The following ABCD3 variants were observed in gnomAD, a reference collection of about 807,000 sequenced individuals.
ABCD3 encodes the protein ATP-binding cassette sub-family D member 3.
Under a neutral mutation model 105.5 loss-of-function variants are expected in ABCD3, and 41 were observed. The ratio of observed to expected loss-of-function variants is 0.39; its 90% CI spans 0.30 to 0.50. ABCD3 has a LOEUF of 0.50. ABCD3 is among the 20% of genes least tolerant of loss of function. ABCD3 has a pLI of 0.84. For missense variants in ABCD3, 622 were observed against 806.3 expected (o/e 0.77, Z 2.77); for synonymous variants, 258 against 269.0 (o/e 0.96, Z 0.40).
chr1:94,467,944 T>C lies in ABCD3; in HGVS notation c.272T>C (p.Val91Ala), dbSNP rs1648232123. ...KETGYLVLIA[V>A]MLVSRTYCDV... The stretch of plus-strand genomic sequence containing the variant: ...ACAGGTTACTTGGTACTTATTGCTG[T>C]TATGCTGGTGTCTCGAACATATTGT... The change falls in exon 4 of 23, where the codon GTT (valine) becomes GCT (alanine). Residue 91 changes from valine to alanine, a missense_variant. This residue lies in a region of ABCD3 where 245 missense variants were observed against 356.4 expected (regional missense o/e 0.69). Coordinates refer to ENST00000370214, the MANE Select transcript of ABCD3 (RefSeq NM_002858.4). The C allele has an allele frequency of 6.2e-7, 1 of 1,613,266 alleles. No homozygotes were observed. Among genetic ancestry groups the C allele is most frequent in the African/African-American group, 1.3e-5 (1 of 74,906 alleles).
At chr1:94,417,436 A>G (rs1659060130), upstream of ABCD3, among the ~76,000 whole-genome samples, 1 of 152,358 alleles carries the variant, frequency 6.6e-6, no homozygotes, top group East Asian at 1.9e-4. Flanking sequence ...AGCTGAAAAC[A>G]GCGATTCACT....
At chr1:94,502,849 G>A (rs1650165435) in intron 20 of ABCD3, among the ~76,000 whole-genome samples, 1 of 152,108 alleles carries the variant, frequency 6.6e-6, no homozygotes, top group Non-Finnish European at 1.5e-5. Flanking sequence ...GCCAAGCAAA[G>A]ACAGCTAGTA....
At chr1:94,403,562 G>A in the ABCD3 span, among the ~76,000 whole-genome samples, 165 of 152,110 alleles carry the variant, frequency 1.1e-3, 1 homozygote, top group African/African-American at 3.0e-3. Context: ...GTTGGCCTTC[G>A]CATTTACCTG....
At chr1:94,447,718 GTGCT>G (rs1335458902) in intron 1 of ABCD3, among the ~76,000 whole-genome samples, 31 of 152,268 alleles carry the variant, frequency 2.0e-4, no homozygotes, top group African/African-American at 7.5e-4. Flanking sequence ...TCAGTTTCTA[GTGCT>G]GGTTTAATTA....
At chr1:94,413,511 G>A (rs553813986), upstream of ABCD3, among the ~76,000 whole-genome samples, 11 of 152,126 alleles carry the variant, frequency 7.2e-5, no homozygotes, top group Non-Finnish European at 1.3e-4. Context: ...TCTAGTAGTG[G>A]TGAACCTCAA....
chr1:94,483,112 A>G (rs1649104554), intron 9 of ABCD3, 58 bp from the exon 10 acceptor site: 4 of 1,143,968 alleles, frequency 3.5e-6, no homozygotes, highest in Admixed American at 1.8e-5. Context: ...CTGTATTTCA[A>G]TTATTTTCCA....
chr1:94,405,684 G>A, the ABCD3 span, among the ~76,000 whole-genome samples: 1 of 152,288 alleles, frequency 6.6e-6, no homozygotes, highest in East Asian at 1.9e-4. Context: ...TATTAGGAGC[G>A]ATGTTGAACA....
upstream of ABCD3, among the ~76,000 whole-genome samples, chr1:94,416,425 G>A (rs979532282): frequency 1.3e-5 from 2 of 151,884 alleles, no homozygotes; most frequent in East Asian, 1.9e-4. Context: ...TTTTTTACAC[G>A]TTTTTCTTCT....
chr1:94,487,507 GA>G (rs762074302), intron 10 of ABCD3, 34 bp from the exon 11 acceptor site: 1 of 1,595,224 alleles, frequency 6.3e-7, no homozygotes. Flanking sequence ...TTTATACAGA[GA>G]AAAAGATGGT....
At chr1:94,410,211 C>T in the ABCD3 span, among the ~76,000 whole-genome samples, 13 of 152,170 alleles carry the variant, frequency 8.5e-5, no homozygotes, top group African/African-American at 2.9e-4. Context: ...TTGCAACTCC[C>T]TAGCCTGGAA....
At chr1:94,454,008 A>G (rs1005429332) in intron 1 of ABCD3, among the ~76,000 whole-genome samples, 2 of 151,268 alleles carry the variant, frequency 1.3e-5, no homozygotes, top group Non-Finnish European at 2.9e-5. Context: ...CACAGGATAT[A>G]TATTTTATAT....
Position 94,464,811 on chromosome 1 carries a change from G to A in ABCD3, c.184G>A (p.Val62Met), listed in dbSNP as rs1648060498. The A allele has an allele frequency of 6.2e-7, 1 of 1,613,728 alleles. No individual in the cohort carries two copies. The highest frequency in any genetic ancestry group is 8.5e-7 in the Non-Finnish European group (1 of 1,179,926). The change falls in exon 3 of 23, where the codon GTG (valine) becomes ATG (methionine). Residue 62 changes from valine to methionine, a missense_variant. By Grantham distance (21) the Val-to-Met change is conservative. Coordinates refer to ENST00000370214, the MANE Select transcript of ABCD3 (RefSeq NM_002858.4). ...AAAGGAGCGAGCTGTGGTGGACAAG[G>A]TGTTTTTCTCAAGGCTCATACAGAT... Reference protein sequence around the residue: ...GKKERAVVDKVFFSRLIQILK... With the variant: ...GKKERAVVDKMFFSRLIQILK...
At chr1:94,499,174 A>G (rs1649975937) in intron 19 of ABCD3, 140 bp downstream of exon 19, 4 of 849,200 alleles carry the variant, frequency 4.7e-6, no homozygotes, top group Non-Finnish European at 7.7e-6. Context: ...TTCTAAGCTG[A>G]GGTAAGATGT....
At chr1:94,453,560 C>T (rs950341137) in intron 1 of ABCD3, among the ~76,000 whole-genome samples, 3 of 151,898 alleles carry the variant, frequency 2.0e-5, no homozygotes, top group Non-Finnish European at 2.9e-5. Context: ...CCTCGTGATC[C>T]GCCCACCTCG....
chr1:94,463,151 A>T (rs1647958292), intron 2 of ABCD3, among the ~76,000 whole-genome samples: 2 of 152,178 alleles, frequency 1.3e-5, no homozygotes, highest in African/African-American at 4.8e-5. Context: ...TGAGCCTGTA[A>T]CTCAGTAGGA....
intron 16 of ABCD3, among the ~76,000 whole-genome samples, chr1:94,493,039 A>G (rs1649608711): frequency 6.6e-6 from 1 of 152,164 alleles, no homozygotes; most frequent in African/African-American, 2.4e-5. Context: ...GGCATGGGCA[A>G]GGACTTCATG....
In ABCD3 at chr1:94,494,963, C is replaced by T. The variant is rs114930191; in HGVS notation, c.1387-3639C>T. ...AGGTGTGGTGGTGCACACCTTTGGTCCTGGTTACGCAGGCGGCTGAGGTGG... is the reference window on the plus strand; with the variant it reads ...AGGTGTGGTGGTGCACACCTTTGGTTCTGGTTACGCAGGCGGCTGAGGTGG... On this transcript the variant is annotated intron_variant, in intron 16 of 22. Transcript: ENST00000370214. Among the ~76,000 whole-genome samples the T allele has an allele frequency of 5.3e-3, 809 of 152,212 alleles. 9 individuals carry two copies. Among genetic ancestry groups the T allele is most frequent in the African/African-American group, 0.018 (761 of 41,512 alleles).
chr1:94,449,442 A>G (rs569892474), intron 1 of ABCD3, among the ~76,000 whole-genome samples: 1 of 152,350 alleles, frequency 6.6e-6, no homozygotes, highest in East Asian at 1.9e-4. Flanking sequence ...AATGGCTGAC[A>G]CAGAGAACAA....
rs564987217 is a variant in ABCD3 at position 94,487,581 on chromosome 1, A to G, written c.937A>G (p.Met313Val). 3.8e-5 allele frequency: 61 copies of G among 1,613,748 alleles called. No homozygotes were observed. The highest frequency in any genetic ancestry group is 3.0e-4 in the Admixed American group (18 of 59,990). The change falls in exon 11 of 23, where the codon ATG (methionine) becomes GTG (valine). Residue 313 changes from methionine to valine, a missense_variant. Transcript: ENST00000370214. Reference protein sequence around the residue: ...LHNFILFRFSMGFIDSIIAKY... With the variant: ...LHNFILFRFSVGFIDSIIAKY... ...TAATTTCATTTTGTTTCGGTTTTCAATGGGCTTCATTGATAGTATTATTGC... is the reference window on the plus strand; with the variant it reads ...TAATTTCATTTTGTTTCGGTTTTCAGTGGGCTTCATTGATAGTATTATTGC...
Sources: gnomAD v4.1 joint callset for allele counts (sites outside exome capture counted in the v4.1 genomes callset) on GRCh38, gnomAD v4.1.1 for gene constraint, gnomAD v4.1.1 regional missense constraint, MANE v1.5 for transcripts, NCBI Gene and HGNC (gene_info 2026-07-23, HGNC 2026-07-21) for gene names.